The following TMEM184B variants were observed in gnomAD, a reference collection of about 807,000 sequenced individuals.
The protein encoded by TMEM184B is putative MAPK-activating protein FM08.
Under a neutral mutation model 41.8 loss-of-function variants are expected in TMEM184B, and 17 were observed. The ratio of observed to expected loss-of-function variants is 0.41; its 90% CI spans 0.28 to 0.61. TMEM184B has a LOEUF of 0.61. Among genes scored for constraint, TMEM184B ranks in the 20% least tolerant of loss-of-function variants. The probability of loss-of-function intolerance (pLI) is 0.34; values close to 1 mark genes in which losing one functional copy is unlikely to be tolerated. For missense variants in TMEM184B, 393 were observed against 557.8 expected (o/e 0.70, Z 2.98); for synonymous variants, 240 against 229.5 (o/e 1.05, Z -0.41).
At chr22:38,253,487 C>T (rs909459229) in intron 1 of TMEM184B, among the ~76,000 whole-genome samples, 3 of 152,062 alleles carry the variant, frequency 2.0e-5, no homozygotes, top group Non-Finnish European at 2.9e-5. Flanking sequence ...GGGAGAATCA[C>T]TTGAACCTGG....
intron 3 of TMEM184B, among the ~76,000 whole-genome samples, chr22:38,242,335 G>C (rs755789337): frequency 1.3e-5 from 2 of 151,704 alleles, no homozygotes; most frequent in Non-Finnish European, 2.9e-5. Flanking sequence ...AAAATTAGCC[G>C]GGCGTGAAGG....
intron 1 of TMEM184B, among the ~76,000 whole-genome samples, chr22:38,256,927 G>A (rs935209586): frequency 4.6e-5 from 7 of 151,196 alleles, no homozygotes. Context: ...AACGGGTGAC[G>A]TCTAGTCTAG....
downstream of TMEM184B, among the ~76,000 whole-genome samples, chr22:38,217,787 C>T (rs533839529): frequency 6.8e-5 from 10 of 148,096 alleles, no homozygotes; most frequent in East Asian, 2.0e-4. Context: ...GCTGAGATCG[C>T]GCCACTGCAC....
chr22:38,217,641 C>CA (rs1042214098), downstream of TMEM184B, among the ~76,000 whole-genome samples: 381 of 133,528 alleles, frequency 2.9e-3, no homozygotes, highest in Middle Eastern at 7.5e-3. Context: ...GACTCCGTCT[C>CA]AAAAAAAAAA....
chr22:38,261,767 C>T (rs1157096354), intron 1 of TMEM184B, among the ~76,000 whole-genome samples: 1 of 152,176 alleles, frequency 6.6e-6, no homozygotes, highest in Non-Finnish European at 1.5e-5. Context: ...CATCCTGCAC[C>T]CCAACAATGC....
At chr22:38,270,673 A>G (rs1045040456) in intron 1 of TMEM184B, among the ~76,000 whole-genome samples, 1 of 152,176 alleles carries the variant, frequency 6.6e-6, no homozygotes, top group African/African-American at 2.4e-5. Context: ...GGGCCCAGCT[A>G]TTGGCCTTCC....
At position 38,225,388 on chromosome 22, in the gene TMEM184B, G is replaced by C; in HGVS notation, c.787+36C>G. ...AGCAGGAAGCGCAGAGGACAGGGTG[G>C]CATGGGCAGCCTCCAGGTGCTGGGA... On this transcript the variant is annotated intron_variant, in intron 7 of 8. Transcript: ENST00000361906. This position sits in a 1 kb window ranked among gnomAD's most constrained non-coding sequence, Gnocchi z 4.4. 6.5e-7 allele frequency: 1 copy of C among 1,530,142 alleles called. No individual in the cohort carries two copies. The highest frequency in any genetic ancestry group is 1.4e-5 in the African/African-American group (1 of 71,354). 94.8% of individuals were successfully genotyped at this position (1,530,142 alleles called of 1,614,324 possible).
At chr22:38,263,324 G>A (rs946331086) in intron 1 of TMEM184B, among the ~76,000 whole-genome samples, 5 of 152,080 alleles carry the variant, frequency 3.3e-5, no homozygotes, top group African/African-American at 7.2e-5. Flanking sequence ...CACAATCACC[G>A]ACTTGCGGTG....
intron 1 of TMEM184B, among the ~76,000 whole-genome samples, chr22:38,262,760 C>A (rs568235199): frequency 1.3e-5 from 2 of 152,222 alleles, no homozygotes; most frequent in South Asian, 4.1e-4. Flanking sequence ...CCCTCACACT[C>A]GGCCCCTTTG....
intron 1 of TMEM184B, among the ~76,000 whole-genome samples, chr22:38,249,061 C>A (rs1049919865): frequency 2.3e-4 from 35 of 152,344 alleles, no homozygotes; most frequent in African/African-American, 7.9e-4. Context: ...CATCCTCGAA[C>A]ACGCGGGTCT....
intron 1 of TMEM184B, chr22:38,272,419 C>T: frequency 1.0e-6 from 1 of 965,390 alleles, no homozygotes; most frequent in African/African-American, 1.8e-5. Context: ...CCACTCACGA[C>T]GCAGCCCCGA....
chr22:38,261,088 C>G (rs1029339865), intron 1 of TMEM184B, among the ~76,000 whole-genome samples: 1 of 152,222 alleles, frequency 6.6e-6, no homozygotes, highest in Non-Finnish European at 1.5e-5. Flanking sequence ...TCTGCTCCCA[C>G]TCCAGCCGCC....
rs2091391134 is a variant in TMEM184B, at chr22:38,225,073, A to G, written c.788-94T>C. On this transcript the variant is annotated intron_variant, in intron 7 of 8. Transcript: ENST00000361906. The surrounding 1 kb of genome is among the most constrained non-coding windows in gnomAD (Gnocchi z 4.4). ...CCCCATTCAGCTGCCCACATGCCCCAGTGAGGATGTGAGCAGGGCCACAGC... is the reference window on the plus strand; with the variant it reads ...CCCCATTCAGCTGCCCACATGCCCCGGTGAGGATGTGAGCAGGGCCACAGC... 1.5e-6 allele frequency: 2 copies of G among 1,371,662 alleles called. No individual in the cohort carries two copies. Among genetic ancestry groups the G allele is most frequent in the East Asian group, 5.1e-5 (2 of 39,088 alleles). 85.0% of individuals were successfully genotyped at this position (1,371,662 alleles called of 1,614,324 possible).
At chr22:38,244,714 C>G (rs1035109974) in intron 3 of TMEM184B, among the ~76,000 whole-genome samples, 2 of 152,230 alleles carry the variant, frequency 1.3e-5, no homozygotes, top group Non-Finnish European at 2.9e-5. Flanking sequence ...CCTCGGCCTC[C>G]CAAAGTAATG....
intron 3 of TMEM184B, among the ~76,000 whole-genome samples, chr22:38,232,996 C>T (rs2041244584): frequency 6.6e-6 from 1 of 152,194 alleles, no homozygotes; most frequent in Admixed American, 6.5e-5. Flanking sequence ...CACCCTGTGT[C>T]ACAATGACTG....
At chr22:38,234,100 G>A (rs1457341627) in intron 3 of TMEM184B, among the ~76,000 whole-genome samples, 1 of 152,008 alleles carries the variant, frequency 6.6e-6, no homozygotes, top group Non-Finnish European at 1.5e-5. Context: ...GCCACACCTC[G>A]TGATGCTGAC....
At chr22:38,229,364 T>A (rs1233985101) in intron 5 of TMEM184B, among the ~76,000 whole-genome samples, 3 of 152,202 alleles carry the variant, frequency 2.0e-5, no homozygotes, top group Admixed American at 6.5e-5. Context: ...AAGCTCTACA[T>A]CCATGACCTC....
chr22:38,245,697 G>A (rs2092010374), intron 3 of TMEM184B, among the ~76,000 whole-genome samples: 1 of 151,702 alleles, frequency 6.6e-6, no homozygotes, highest in African/African-American at 2.4e-5. Flanking sequence ...TGCCTGAGAC[G>A]CCAGCATTGA....
At chr22:38,230,550 G>A in intron 5 of TMEM184B, 119 bp downstream of exon 5, 2 of 978,568 alleles carry the variant, frequency 2.0e-6, no homozygotes, top group South Asian at 1.4e-5. Context: ...GGGTGCTGGG[G>A]GCCTGGGGTG....
Sources: gnomAD v4.1 joint callset for allele counts (sites outside exome capture counted in the v4.1 genomes callset) on GRCh38, gnomAD v4.1.1 for gene constraint, Gnocchi (gnomAD v3.1) non-coding constraint, MANE v1.5 for transcripts, NCBI Gene and HGNC (gene_info 2026-07-23, HGNC 2026-07-21) for gene names.